Variants in GRIA4 observed in about 807,000 individuals in gnomAD.
GRIA4 encodes glutamate receptor 4.
Under a neutral mutation model 104.0 loss-of-function variants are expected in GRIA4, and 34 were observed. That is an observed-to-expected ratio of 0.33 (90% CI 0.25 to 0.44). GRIA4 has a LOEUF of 0.44. GRIA4 is among the 20% of genes least tolerant of loss of function. The pLI, the probability that GRIA4 is intolerant of heterozygous loss-of-function variation, is 1.00. For synonymous variants in GRIA4, 386 were observed against 381.9 expected (o/e 1.01, Z -0.13); for missense variants, 750 against 1,096.5 (o/e 0.68, Z 4.46).
chr11:105,979,185 A>C (rs1409433939), intron 16 of GRIA4, among the ~76,000 whole-genome samples: 1 of 152,200 alleles, frequency 6.6e-6, no homozygotes, highest in Non-Finnish European at 1.5e-5. Flanking sequence ...TAATCCTTGC[A>C]CTGTAAAGAC....
rs544665831 is a variant in GRIA4, at chr11:105,885,457, T to G, written c.673-2062T>G. Among the ~76,000 whole-genome samples the G allele has an allele frequency of 5.9e-5, 9 of 152,312 alleles. No individual in the cohort carries two copies. The East Asian group carries it at 1.7e-3, about 29-fold the overall frequency. On this transcript the variant is annotated intron_variant, in intron 5 of 16. Coordinates refer to ENST00000282499, the MANE Select transcript of GRIA4 (RefSeq NM_000829.4). ...GGAAGGTTATGTAAAATATTATAAA[T>G]GCATAGCTGAACTTCCAAGACAGTA...
At chr11:105,910,858 C>A (rs918420343) in intron 10 of GRIA4, among the ~76,000 whole-genome samples, 1 of 151,976 alleles carries the variant, frequency 6.6e-6, no homozygotes, top group Non-Finnish European at 1.5e-5. Flanking sequence ...AGTGAACATG[C>A]CAAAGGTCAA....
chr11:105,839,638 G>A (rs1944320321), intron 4 of GRIA4, among the ~76,000 whole-genome samples: 1 of 151,658 alleles, frequency 6.6e-6, no homozygotes, highest in Non-Finnish European at 1.5e-5. Context: ...AGCCCAAGAG[G>A]TAGAGCTTGC....
At chr11:105,796,075 A>G (rs950311803) in intron 4 of GRIA4, among the ~76,000 whole-genome samples, 1 of 152,110 alleles carries the variant, frequency 6.6e-6, no homozygotes, top group African/African-American at 2.4e-5. Flanking sequence ...AACCTGTATC[A>G]TTTTAAAATA....
chr11:105,867,158 C>T (rs1168953243), intron 5 of GRIA4, among the ~76,000 whole-genome samples: 1 of 151,998 alleles, frequency 6.6e-6, no homozygotes, highest in East Asian at 1.9e-4. Context: ...GCAAATCAAT[C>T]AAAAAAGCCT....
At chr11:105,785,043 G>GT (rs1239637850) in intron 4 of GRIA4, among the ~76,000 whole-genome samples, 1 of 152,060 alleles carries the variant, frequency 6.6e-6, no homozygotes, top group Admixed American at 6.6e-5. Flanking sequence ...TCCAGCTACT[G>GT]TTTATATGCT....
chr11:105,970,825 T>C (rs1414922865), intron 14 of GRIA4, among the ~76,000 whole-genome samples: 1 of 152,174 alleles, frequency 6.6e-6, no homozygotes, highest in African/African-American at 2.4e-5. Flanking sequence ...CAACAAAAGA[T>C]CCTGAAACTT....
At chr11:105,913,127 T>C (rs1042832035) in intron 10 of GRIA4, 3 of 638,996 alleles carry the variant, frequency 4.7e-6, no homozygotes, top group Non-Finnish European at 5.8e-6. Flanking sequence ...CATAAATATT[T>C]ATTGAGCGTC....
chr11:105,801,204 G>A (rs1181565817), intron 4 of GRIA4, among the ~76,000 whole-genome samples: 1 of 151,404 alleles, frequency 6.6e-6, no homozygotes, highest in Admixed American at 6.6e-5. Flanking sequence ...GTATTTAAAT[G>A]TATCTACCTG....
chr11:105,744,427 A>G (rs944086572), intron 3 of GRIA4, among the ~76,000 whole-genome samples: 6 of 152,190 alleles, frequency 3.9e-5, no homozygotes, highest in Non-Finnish European at 8.8e-5. Flanking sequence ...AAACAGTTAT[A>G]TTCATATCGA....
Position 105,648,862 on chromosome 11 carries a change from A to T in GRIA4, c.247+36428A>T, listed in dbSNP as rs114782587. Among the ~76,000 whole-genome samples, 944 of 152,296 alleles carry T rather than the reference A, an allele frequency of 6.2e-3. 10 individuals carry two copies. The highest frequency in any genetic ancestry group is 0.022 in the African/African-American group (914 of 41,560). ...CGAAACCAGTCATTAAATAAAAATT[A>T]CTTTTGCACCAACCTAAAATTACTG... On this transcript the variant is annotated intron_variant, in intron 3 of 16. Coordinates refer to ENST00000282499, the MANE Select transcript of GRIA4 (RefSeq NM_000829.4).
At chr11:105,804,212 T>C (rs1001815601) in intron 4 of GRIA4, among the ~76,000 whole-genome samples, 7 of 151,966 alleles carry the variant, frequency 4.6e-5, no homozygotes, top group African/African-American at 1.2e-4. Context: ...TAGTTTTTCT[T>C]AGCCTTTGAG....
At chr11:105,943,622 G>C (rs186363664) in intron 14 of GRIA4, among the ~76,000 whole-genome samples, 1 of 151,750 alleles carries the variant, frequency 6.6e-6, no homozygotes, top group Non-Finnish European at 1.5e-5. Context: ...TTCACTTTAC[G>C]CCCTGAAGCA....
chr11:105,632,643 A>G (rs973715028), intron 3 of GRIA4, among the ~76,000 whole-genome samples: 2 of 152,228 alleles, frequency 1.3e-5, no homozygotes, highest in African/African-American at 2.4e-5. Context: ...TACATCATAT[A>G]CAGTGCTTAG....
At chr11:105,899,422 A>G (rs2136131626) in intron 7 of GRIA4, among the ~76,000 whole-genome samples, 1 of 152,340 alleles carries the variant, frequency 6.6e-6, no homozygotes, top group African/African-American at 2.4e-5. Flanking sequence ...GTCAGGGACC[A>G]GGTTCATGGA....
rs540263078 is a variant in GRIA4 at position 105,673,878 on chromosome 11, GC to G, written c.247+61446del. Among the ~76,000 whole-genome samples, 393 of 151,918 alleles carry G rather than the reference GC, an allele frequency of 2.6e-3. 1 individual carries two copies. Among genetic ancestry groups the G allele is most frequent in the Admixed American group, 7.8e-3 (119 of 15,222 alleles). On this transcript the variant is annotated intron_variant, in intron 3 of 16. Transcript: ENST00000282499. ...TTGATAAGACTATTTCTAAAAATTAGCCATATCAATTTATAAGATCAATGGA... is the reference window on the plus strand; with the variant it reads ...TTGATAAGACTATTTCTAAAAATTAGCATATCAATTTATAAGATCAATGGA...
intron 3 of GRIA4, among the ~76,000 whole-genome samples, chr11:105,678,626 T>C (rs1952616739): frequency 6.6e-6 from 1 of 152,122 alleles, no homozygotes; most frequent in South Asian, 2.1e-4. Context: ...TCAAAATTTA[T>C]CTCTAAATTT....
chr11:105,829,674 G>A (rs911095347), intron 4 of GRIA4, among the ~76,000 whole-genome samples: 1 of 151,896 alleles, frequency 6.6e-6, no homozygotes, highest in Admixed American at 6.6e-5. Flanking sequence ...ACTAACAGAG[G>A]TGCTGGTGTC....
At chr11:105,634,490 AAAG>A (rs1951141011) in intron 3 of GRIA4, among the ~76,000 whole-genome samples, 3 of 66,788 alleles carry the variant, frequency 4.5e-5, no homozygotes, top group Non-Finnish European at 8.0e-5. Flanking sequence ...AGAAAGAAAG[AAAG>A]AAAGAAAGAA....
Sources: gnomAD v4.1 joint callset for allele counts (sites outside exome capture counted in the v4.1 genomes callset) on GRCh38, gnomAD v4.1.1 for gene constraint, MANE v1.5 for transcripts, NCBI Gene and HGNC (gene_info 2026-07-23, HGNC 2026-07-21) for gene names.